SLX4IP: variants seen among roughly 807,000 people sequenced by gnomAD.
SLX4IP encodes the protein SLX4 interacting protein.
In SLX4IP, 34 loss-of-function variants were observed where a neutral mutation model predicts 32.9. The ratio of observed to expected loss-of-function variants is 1.03; its 90% CI spans 0.79 to 1.38. SLX4IP has a LOEUF of 1.38. Among genes scored for constraint, SLX4IP ranks in the 40% most tolerant of loss-of-function variants. The probability of loss-of-function intolerance (pLI) is 0.00; values close to 1 mark genes in which losing one functional copy is unlikely to be tolerated. For synonymous variants in SLX4IP, 172 were observed against 171.7 expected (o/e 1.00, Z -0.01); for missense variants, 444 against 479.0 (o/e 0.93, Z 0.68).
intron 2 of SLX4IP, among the ~76,000 whole-genome samples, chr20:10,474,325 G>A (rs1156327971): frequency 2.0e-5 from 3 of 152,194 alleles, no homozygotes; most frequent in Admixed American, 6.5e-5. Flanking sequence ...AAAGCCCATC[G>A]TTCTGAACAA....
chr20:10,547,343 C>G (rs1351479162), intron 2 of SLX4IP, among the ~76,000 whole-genome samples: 12 of 152,138 alleles, frequency 7.9e-5, no homozygotes. Context: ...TTGTGGAAAA[C>G]AAGTGACTGG....
At chr20:10,562,268 C>T (rs2066341238) in intron 4 of SLX4IP, among the ~76,000 whole-genome samples, 1 of 152,096 alleles carries the variant, frequency 6.6e-6, no homozygotes, top group African/African-American at 2.4e-5. Context: ...AGAATGGGTG[C>T]AAGGTTTTAC....
chr20:10,448,358 C>T (rs1269616854), intron 1 of SLX4IP, among the ~76,000 whole-genome samples: 1 of 152,136 alleles, frequency 6.6e-6, no homozygotes, highest in South Asian at 2.1e-4. Context: ...TCAACCTTTC[C>T]AACTCCACTG....
rs35385148 is a variant in SLX4IP at position 10,533,617 on chromosome 20, CTTT to C, written c.28-22596_28-22594del. Among the ~76,000 whole-genome samples, 289 of 95,582 alleles carry C rather than the reference CTTT, an allele frequency of 3.0e-3. 1 individual carries two copies. Among genetic ancestry groups the C allele is most frequent in the East Asian group, 0.018 (66 of 3,656 alleles). 62.7% of individuals were successfully genotyped at this position (95,582 alleles called of 152,430 possible). On this transcript the variant is annotated intron_variant, in intron 2 of 7. Transcript: ENST00000334534. The stretch of plus-strand genomic sequence containing the variant: ...ACAGGTGTGAGCCACCATTCTTGGC[CTTT>C]TTTTTTTTTTTTTTTTTGAGGCAGG...
intron 1 of SLX4IP, among the ~76,000 whole-genome samples, chr20:10,436,011 G>C (rs1006626376): frequency 1.3e-5 from 2 of 151,970 alleles, no homozygotes; most frequent in Non-Finnish European, 2.9e-5. Context: ...GTATAAACAA[G>C]TATTTGCTTT....
intron 1 of SLX4IP, among the ~76,000 whole-genome samples, chr20:10,452,678 A>ATATAT (rs1365793671): frequency 0.015 from 1,489 of 97,634 alleles, 12 homozygotes; most frequent in Non-Finnish European, 0.024. Context: ...AAAAAAAAAA[A>ATATAT]AAATATATAT....
At chr20:10,544,426 C>A (rs2066140950) in intron 2 of SLX4IP, among the ~76,000 whole-genome samples, 1 of 152,198 alleles carries the variant, frequency 6.6e-6, no homozygotes, top group Admixed American at 6.5e-5. Context: ...ACTCCAGTTG[C>A]CAAGGCTGGA....
intron 4 of SLX4IP, among the ~76,000 whole-genome samples, chr20:10,567,769 A>G (rs1464743491): frequency 1.3e-5 from 2 of 152,194 alleles, no homozygotes; most frequent in African/African-American, 4.8e-5. Flanking sequence ...TTTGTTTCTC[A>G]GGCCATCTCT....
At chr20:10,595,124 C>T (rs1242255131) in intron 4 of SLX4IP, among the ~76,000 whole-genome samples, 1 of 151,968 alleles carries the variant, frequency 6.6e-6, no homozygotes, top group African/African-American at 2.4e-5. Context: ...AAGATGGGAT[C>T]TTGCTGATAC....
chr20:10,452,804 T>C (rs1418490265), intron 1 of SLX4IP, among the ~76,000 whole-genome samples: 5 of 151,560 alleles, frequency 3.3e-5, no homozygotes, highest in African/African-American at 1.2e-4. Flanking sequence ...TGAGCCTAGA[T>C]TGAGCCACTG....
chr20:10,475,197 TCA>T (rs527772206), intron 2 of SLX4IP, among the ~76,000 whole-genome samples: 214 of 152,360 alleles, frequency 1.4e-3, no homozygotes, highest in African/African-American at 5.0e-3. Context: ...TCGGCCACCA[TCA>T]GTTTGGTGTA....
intron 2 of SLX4IP, among the ~76,000 whole-genome samples, chr20:10,533,927 A>AT (rs199711980): frequency 1.5e-3 from 141 of 96,998 alleles, no homozygotes; most frequent in Admixed American, 3.4e-3. Context: ...GCCATCTCTT[A>AT]TTTTTAAAAA....
intron 2 of SLX4IP, among the ~76,000 whole-genome samples, chr20:10,460,021 T>A (rs549543829): frequency 2.2e-4 from 34 of 152,350 alleles, no homozygotes; most frequent in Admixed American, 3.3e-4. Flanking sequence ...CTTATTTAGA[T>A]TTACTAACAT....
rs775598362 is a variant in SLX4IP at position 10,601,837 on chromosome 20, C to A, written c.405+18C>A. Reference sequence around the variant, plus strand: ...AAGATTTGGTGAGTATGAAAAAATTCTATAAACAAATAAGTCTGCTTAAAT... The same window carrying A: ...AAGATTTGGTGAGTATGAAAAAATTATATAAACAAATAAGTCTGCTTAAAT... On this transcript the variant is annotated intron_variant, in intron 6 of 7. Transcript: ENST00000334534. 6 of 1,598,210 alleles carry A rather than the reference C, an allele frequency of 3.8e-6. No individual in the cohort carries two copies. In the South Asian group the frequency reaches 6.6e-5, roughly 18 times the overall value.
chr20:10,471,730 G>C (rs2065426496), intron 2 of SLX4IP, among the ~76,000 whole-genome samples: 1 of 152,182 alleles, frequency 6.6e-6, no homozygotes, highest in African/African-American at 2.4e-5. Context: ...AGAAAATCCA[G>C]CTGGGCAGTT....
intron 1 of SLX4IP, among the ~76,000 whole-genome samples, chr20:10,455,541 C>T (rs963009243): frequency 6.6e-6 from 1 of 151,848 alleles, no homozygotes; most frequent in Non-Finnish European, 1.5e-5. Context: ...ATTTAAGGAT[C>T]TATTTCTATC....
At chr20:10,437,431 C>CA (rs1226151219) in intron 1 of SLX4IP, among the ~76,000 whole-genome samples, 1 of 152,176 alleles carries the variant, frequency 6.6e-6, no homozygotes, top group Non-Finnish European at 1.5e-5. Flanking sequence ...ATTAAAGAGC[C>CA]AGTAAGGAGT....
intron 2 of SLX4IP, among the ~76,000 whole-genome samples, chr20:10,464,665 C>T (rs1410083951): frequency 6.6e-6 from 1 of 152,152 alleles, no homozygotes; most frequent in Non-Finnish European, 1.5e-5. Flanking sequence ...TGATGAACAC[C>T]AAATAGTTTG....
chr20:10,561,094 T>A (rs948587309), intron 4 of SLX4IP, among the ~76,000 whole-genome samples: 1 of 152,224 alleles, frequency 6.6e-6, no homozygotes, highest in Non-Finnish European at 1.5e-5. Context: ...AAGGTTTTTT[T>A]ATTTTTAGTA....
Sources: gnomAD v4.1 joint callset for allele counts (sites outside exome capture counted in the v4.1 genomes callset) on GRCh38, gnomAD v4.1.1 for gene constraint, MANE v1.5 for transcripts, NCBI Gene and HGNC (gene_info 2026-07-23, HGNC 2026-07-21) for gene names.